Variants in AUTS2 observed in about 807,000 individuals in gnomAD.
AUTS2 encodes activator of transcription and developmental regulator AUTS2.
Under a neutral mutation model 112.4 loss-of-function variants are expected in AUTS2, and 17 were observed. The observed-to-expected ratio is 0.15, with a 90% CI of 0.10 to 0.23. The LOEUF is 0.23. AUTS2 is among the 10% of genes least tolerant of loss of function. The pLI, the probability that AUTS2 is intolerant of heterozygous loss-of-function variation, is 1.00. For missense variants in AUTS2, 1,510 were observed against 1,701.6 expected, an observed-to-expected ratio of 0.89 and a Z score of 1.98; for synonymous variants, 751 against 702.7, an observed-to-expected ratio of 1.07 and a Z score of -1.09.
chr7:70,724,676 A>T (rs137954358), intron 6 of AUTS2, among the ~76,000 whole-genome samples: 2 of 149,952 alleles, frequency 1.3e-5, no homozygotes, highest in Non-Finnish European at 3.0e-5. Context: ...CGATCTCCTG[A>T]CCTCGTGGTC....
chr7:69,865,250 A>G (rs1347063497), intron 1 of AUTS2, among the ~76,000 whole-genome samples: 2 of 152,060 alleles, frequency 1.3e-5, no homozygotes, highest in Non-Finnish European at 2.9e-5. Context: ...CTGTGAGACA[A>G]TATTGGTTTG....
At chr7:70,572,837 G>A (rs1343843998) in intron 5 of AUTS2, among the ~76,000 whole-genome samples, 1 of 152,146 alleles carries the variant, frequency 6.6e-6, no homozygotes, top group African/African-American at 2.4e-5. Flanking sequence ...TTGCTCTCAA[G>A]GGAGATTAAT....
chr7:70,309,531 C>T (rs1239927718), intron 4 of AUTS2, among the ~76,000 whole-genome samples: 1 of 152,144 alleles, frequency 6.6e-6, no homozygotes, highest in Admixed American at 6.5e-5. Context: ...CAATACACAC[C>T]ACATATCTGA....
chr7:70,017,900 T>G (rs1389433494), intron 2 of AUTS2, among the ~76,000 whole-genome samples: 1 of 150,538 alleles, frequency 6.6e-6, no homozygotes, highest in Non-Finnish European at 1.5e-5. Flanking sequence ...CATTTTGAAC[T>G]ATTTGGAAGG....
intron 4 of AUTS2, among the ~76,000 whole-genome samples, chr7:70,357,643 C>T (rs1020203505): frequency 5.9e-5 from 9 of 152,100 alleles, no homozygotes; most frequent in Admixed American, 1.3e-4. Context: ...TGTAAACGCA[C>T]GGCCTTTTTA....
intron 4 of AUTS2, among the ~76,000 whole-genome samples, chr7:70,387,569 T>A (rs1355426167): frequency 1.3e-5 from 2 of 152,206 alleles, no homozygotes. Flanking sequence ...TGCCAGCTCT[T>A]TAGACTCATT....
chr7:69,987,628 G>A (rs1392609005), intron 2 of AUTS2, among the ~76,000 whole-genome samples: 1 of 152,108 alleles, frequency 6.6e-6, no homozygotes, highest in African/African-American at 2.4e-5. Flanking sequence ...ACTATGCCCT[G>A]TAAATTTTTT....
intron 4 of AUTS2, among the ~76,000 whole-genome samples, chr7:70,414,605 G>T (rs372603305): frequency 6.6e-6 from 1 of 152,130 alleles, no homozygotes; most frequent in East Asian, 1.9e-4. Context: ...ACAATTATGA[G>T]ACTCTCAGAG....
intron 4 of AUTS2, among the ~76,000 whole-genome samples, chr7:70,306,720 A>AT (rs1394923649): frequency 1.3e-5 from 2 of 152,252 alleles, no homozygotes; most frequent in African/African-American, 4.8e-5. Flanking sequence ...TTTGTTCATC[A>AT]ATATAAACTC....
At chr7:70,058,298 G>A (rs1802083872) in intron 2 of AUTS2, among the ~76,000 whole-genome samples, 1 of 152,176 alleles carries the variant, frequency 6.6e-6, no homozygotes. Flanking sequence ...TATACATGTG[G>A]TATGTCTGGA....
chr7:70,498,785 T>C (rs1798659685), intron 5 of AUTS2, among the ~76,000 whole-genome samples: 1 of 152,156 alleles, frequency 6.6e-6, no homozygotes, highest in South Asian at 2.1e-4. Flanking sequence ...TGTGAATAAT[T>C]AGAGCTGCGA....
intron 5 of AUTS2, among the ~76,000 whole-genome samples, chr7:70,486,084 T>G (rs1797986529): frequency 6.6e-6 from 1 of 152,180 alleles, no homozygotes; most frequent in Non-Finnish European, 1.5e-5. Flanking sequence ...TTGCAAGGGT[T>G]GATGACATTA....
At chr7:70,393,473 A>G (rs1486064966) in intron 4 of AUTS2, among the ~76,000 whole-genome samples, 3 of 151,860 alleles carry the variant, frequency 2.0e-5, no homozygotes, top group Non-Finnish European at 4.4e-5. Context: ...GGTCGCAGAA[A>G]ATTGCCTGGC....
chr7:70,060,744 C>T (rs1177786671), intron 2 of AUTS2, among the ~76,000 whole-genome samples: 1 of 152,168 alleles, frequency 6.6e-6, no homozygotes, highest in African/African-American at 2.4e-5. Flanking sequence ...TATACTCTGA[C>T]CTCTTTAAAT....
intron 5 of AUTS2, among the ~76,000 whole-genome samples, chr7:70,618,842 T>G (rs1220225143): frequency 2.0e-5 from 3 of 152,122 alleles, no homozygotes; most frequent in Non-Finnish European, 4.4e-5. Flanking sequence ...CAGCCCTGTG[T>G]TTTGTTAGAA....
intron 4 of AUTS2, among the ~76,000 whole-genome samples, chr7:70,188,778 T>C (rs1460685728): frequency 6.7e-6 from 1 of 150,190 alleles, no homozygotes; most frequent in African/African-American, 2.5e-5. Context: ...TTTTCTTTCT[T>C]TCTTTCTTTT....
intron 2 of AUTS2, among the ~76,000 whole-genome samples, chr7:70,072,113 T>G (rs1802800400): frequency 6.6e-6 from 1 of 152,230 alleles, no homozygotes; most frequent in Non-Finnish European, 1.5e-5. Flanking sequence ...ATGATTTTTC[T>G]TGCTTGCTTT....
At chr7:70,209,915 T>C (rs1171114530) in intron 4 of AUTS2, among the ~76,000 whole-genome samples, 3 of 152,118 alleles carry the variant, frequency 2.0e-5, no homozygotes, top group African/African-American at 2.4e-5. Flanking sequence ...TTTTTTTTCC[T>C]GGTTCTGCTT....
At chr7:69,921,195 T>C (rs1399259821) in intron 2 of AUTS2, among the ~76,000 whole-genome samples, 1 of 152,178 alleles carries the variant, frequency 6.6e-6, no homozygotes, top group Non-Finnish European at 1.5e-5. Context: ...GACTTTCTTG[T>C]TGGATTGACT....
Sources: allele counts gnomAD v4.1 joint callset (sites outside exome capture counted in the v4.1 genomes callset), GRCh38; gene constraint gnomAD v4.1.1; transcripts MANE v1.5; gene names NCBI Gene and HGNC (gene_info 2026-07-23, HGNC 2026-07-21).